NDRG4: variants seen among roughly 807,000 people sequenced by gnomAD.
NDRG4 encodes protein NDRG4.
Under a neutral mutation model 55.8 loss-of-function variants are expected in NDRG4, and 38 were observed. The observed-to-expected ratio is 0.68, with a 90% CI of 0.53 to 0.89. The LOEUF (loss-of-function observed/expected upper bound fraction) is 0.89, where lower values mean the gene tolerates loss of function less well. Ranked by LOEUF, NDRG4 falls within the 40% of genes least tolerant of loss-of-function variation. The probability of loss-of-function intolerance (pLI) is 0.00; values close to 1 mark genes in which losing one functional copy is unlikely to be tolerated. For synonymous variants in NDRG4, 190 were observed against 182.7 expected (o/e 1.04, Z -0.32); for missense variants, 455 against 468.6 (o/e 0.97, Z 0.27).
chr16:58,504,110 C>T, intron 2 of NDRG4, 44 bp from the exon 3 acceptor site: 2 of 1,610,836 alleles, frequency 1.2e-6, no homozygotes, highest in Non-Finnish European at 1.7e-6. Flanking sequence ...CCTTCCAGTC[C>T]CCCGGCCCCT....
At position 58,504,386 on chromosome 16, in the gene NDRG4, G is replaced by C. The variant is rs760847741; in HGVS notation, c.276G>C (p.Leu92=). 5 of 1,612,972 alleles carry C rather than the reference G, an allele frequency of 3.1e-6. No homozygotes were observed. The Admixed American group carries it at 8.3e-5, about 27-fold the overall frequency. Residue 92 remains leucine (L), a synonymous_variant, in exon 4 of 15, where the codon CTG becomes CTC. Coordinates refer to ENST00000570248, the MANE Select transcript of NDRG4 (RefSeq NM_001242835.2). The part of the protein sequence containing the change: ...QGYQFPSMEQ[L]AAMLPSVVQH... ...ACCAGTTCCCCTCCATGGAGCAGCT[G>C]GCTGCCATGCTCCCCAGCGTGGTGC...
Position 58,504,616 on chromosome 16 carries a change from G to A in NDRG4, c.339G>A (p.Val113=), listed in dbSNP as rs1490018204. The change falls in exon 5 of 15, where the codon GTG becomes GTA. Residue 113 remains valine, a synonymous_variant. Coordinates refer to ENST00000570248, the MANE Select transcript of NDRG4 (RefSeq NM_001242835.2). ...TCAAGTATGTGATTGGCATCGGAGT[G>A]GGCGCCGGAGCCTATGTGCTGGCCA... is the stretch of plus-strand genomic sequence containing the variant. The part of the protein sequence containing the change: ...FGFKYVIGIG[V]GAGAYVLAKF... 1.2e-6 allele frequency: 2 copies of A among 1,614,172 alleles called. No individual in the cohort carries two copies. Among genetic ancestry groups the A allele is most frequent in the African/African-American group, 2.7e-5 (2 of 75,020 alleles).
intron 1 of NDRG4, among the ~76,000 whole-genome samples, chr16:58,502,963 A>T (rs1400566766): frequency 6.6e-6 from 1 of 152,212 alleles, no homozygotes; most frequent in Non-Finnish European, 1.5e-5. Context: ...GGCTTTCTCC[A>T]AGTGCTAAAT....
At chr16:58,483,539 T>TC (rs2034718975) in intron 1 of NDRG4, among the ~76,000 whole-genome samples, 1 of 152,074 alleles carries the variant, frequency 6.6e-6, no homozygotes, top group African/African-American at 2.4e-5. Flanking sequence ...CATGTCTCTG[T>TC]CCCCCAGCCA....
At chr16:58,508,884 T>C in intron 10 of NDRG4, 78 bp from the exon 11 acceptor site, 1 of 1,529,480 alleles carries the variant, frequency 6.5e-7, no homozygotes, top group Non-Finnish European at 9.0e-7. Context: ...CTCCCCGAGC[T>C]TGGGGCATCA....
At chr16:58,467,716 C>G (rs925254024) in intron 1 of NDRG4, among the ~76,000 whole-genome samples, 1 of 152,196 alleles carries the variant, frequency 6.6e-6, no homozygotes, top group African/African-American at 2.4e-5. Context: ...CCGTTCCACA[C>G]TTCATTTTCC....
chr16:58,491,051 C>T (rs1419771244), intron 2 of NDRG4, among the ~76,000 whole-genome samples: 2 of 152,000 alleles, frequency 1.3e-5, no homozygotes, highest in East Asian at 1.9e-4. Flanking sequence ...CCGAGGCGAG[C>T]GGATCACTTG....
intron 13 of NDRG4, among the ~76,000 whole-genome samples, chr16:58,510,015 TC>T (rs1296960662): frequency 2.6e-5 from 4 of 152,158 alleles, no homozygotes; most frequent in Admixed American, 2.0e-4. Context: ...ACATACCTGT[TC>T]CTCCAGGTCC....
Position 58,512,277 on chromosome 16 carries a change from G to A in NDRG4, c.*701G>A. 1 of 355,124 alleles carries A rather than the reference G, an allele frequency of 2.8e-6. No homozygotes were observed. The highest frequency in any genetic ancestry group is 2.1e-5 in the South Asian group (1 of 48,334). 22.0% of individuals were successfully genotyped at this position (355,124 alleles called of 1,614,324 possible). ...CCTCCTGGCCCTGTCCCAATTCTGA[G>A]CCAAGGCCTCCCCGAGGCAGAAGTT... On this transcript the variant is annotated 3_prime_UTR_variant, in exon 15 of 15. Coordinates refer to ENST00000570248, the MANE Select transcript of NDRG4 (RefSeq NM_001242835.2).
intron 1 of NDRG4, chr16:58,501,429 T>G: frequency 4.8e-6 from 1 of 207,328 alleles, no homozygotes; most frequent in Non-Finnish European, 9.6e-6. Flanking sequence ...CGCCTGCGCC[T>G]ACCTGGAGGC....
At chr16:58,502,321 C>T (rs2037270467) in intron 1 of NDRG4, among the ~76,000 whole-genome samples, 1 of 152,064 alleles carries the variant, frequency 6.6e-6, no homozygotes, top group South Asian at 2.1e-4. Flanking sequence ...TCTGTCCCCT[C>T]TCAGCCCTGG....
At chr16:58,478,828 C>T (rs180803958) in intron 1 of NDRG4, among the ~76,000 whole-genome samples, 33 of 150,058 alleles carry the variant, frequency 2.2e-4, no homozygotes, top group African/African-American at 7.6e-4. Flanking sequence ...ATTAGTGTCA[C>T]TTGTAATCAG....
chr16:58,492,581 A>C (rs2035940275), intron 2 of NDRG4, among the ~76,000 whole-genome samples: 1 of 147,920 alleles, frequency 6.8e-6, no homozygotes, highest in African/African-American at 2.5e-5. Flanking sequence ...TCGCCCTGTC[A>C]CCCAGTCTGG....
In NDRG4 at chr16:58,464,581, C is replaced by A; in HGVS notation, c.-24+784C>A. On this transcript the variant is annotated intron_variant, in intron 1 of 15. Transcript: ENST00000258187. The surrounding 1 kb of genome is among the most constrained non-coding windows in gnomAD (Gnocchi z 4.8). ...TCTGAGCAGGAAGGGGTGCGGACCC[C>A]AACTAAGTCCTAGTTTTGTGCTACC... 9.7e-7 allele frequency: 1 copy of A among 1,029,312 alleles called. No individual in the cohort carries two copies. The highest frequency in any genetic ancestry group is 1.3e-6 in the Non-Finnish European group (1 of 786,300). 63.8% of individuals were successfully genotyped at this position (1,029,312 alleles called of 1,614,324 possible).
rs538754680 is a variant in NDRG4, at chr16:58,466,546, G to A, written c.-24+2749G>A. On this transcript the variant is annotated intron_variant, in intron 1 of 15. Coordinates refer to the NDRG4 transcript ENST00000258187. Reference sequence around the variant, plus strand: ...CCAGATGGGGTCACCAGATTCTGGCGGGCTTTCTAAGTCCCTGGCCAGGGT... The same window carrying A: ...CCAGATGGGGTCACCAGATTCTGGCAGGCTTTCTAAGTCCCTGGCCAGGGT... 3.3e-5 allele frequency among the ~76,000 whole-genome samples: 5 copies of A among 152,322 alleles called. No homozygotes were observed. In the South Asian group the frequency reaches 6.2e-4, roughly 19 times the overall value.
chr16:58,471,764 G>T (rs765068206), intron 1 of NDRG4, among the ~76,000 whole-genome samples: 1 of 152,106 alleles, frequency 6.6e-6, no homozygotes. Flanking sequence ...GGGGTGGTCG[G>T]GCAGGTGCTG....
At chr16:58,473,287 C>G (rs1008258059) in intron 1 of NDRG4, among the ~76,000 whole-genome samples, 6 of 152,070 alleles carry the variant, frequency 3.9e-5, no homozygotes, top group African/African-American at 1.2e-4. Flanking sequence ...AGCCCCCGCC[C>G]CTAAGTAGCT....
At chr16:58,484,379 A>C (rs78158759) in intron 1 of NDRG4, among the ~76,000 whole-genome samples, 3,268 of 152,226 alleles carry the variant, frequency 0.021, 39 homozygotes, top group Non-Finnish European at 0.033. Flanking sequence ...TCTAAAAAAA[A>C]ATTTATATAT....
chr16:58,483,440 A>G (rs559319638), intron 1 of NDRG4, among the ~76,000 whole-genome samples: 1 of 152,292 alleles, frequency 6.6e-6, no homozygotes. Flanking sequence ...CTGAAATGCA[A>G]TTCCTCTTAA....
Sources: allele counts gnomAD v4.1 joint callset (sites outside exome capture counted in the v4.1 genomes callset), GRCh38; gene constraint gnomAD v4.1.1; non-coding constraint Gnocchi (gnomAD v3.1); transcripts MANE v1.5; gene names NCBI Gene and HGNC (gene_info 2026-07-23, HGNC 2026-07-21).